WSCD1: variants seen among roughly 807,000 people sequenced by gnomAD.
The protein encoded by WSCD1 is WSC domain sialate O sulfotransferase 1.
A neutral mutation model predicts 60.4 loss-of-function variants in WSCD1; 41 were observed. The ratio of observed to expected loss-of-function variants is 0.68; its 90% CI spans 0.53 to 0.88. The LOEUF (loss-of-function observed/expected upper bound fraction) is 0.88. Among genes scored for constraint, WSCD1 ranks in the 40% least tolerant of loss-of-function variants. The probability of loss-of-function intolerance (pLI) is 0.00; values close to 1 mark genes in which losing one functional copy is unlikely to be tolerated. For synonymous variants in WSCD1, 361 were observed against 332.5 expected (o/e 1.09, Z -0.93); for missense variants, 784 against 796.2 (o/e 0.98, Z 0.18).
chr17:6,096,010 C>G (rs1374287440), intron 5 of WSCD1, among the ~76,000 whole-genome samples: 1 of 152,140 alleles, frequency 6.6e-6, no homozygotes, highest in Non-Finnish European at 1.5e-5. Context: ...TAGAACAGGG[C>G]TAAGGTGAGA....
chr17:6,103,345 TC>T (rs1910908929), intron 5 of WSCD1, among the ~76,000 whole-genome samples: 1 of 152,212 alleles, frequency 6.6e-6, no homozygotes, highest in Non-Finnish European at 1.5e-5. Flanking sequence ...TTGAGAAACT[TC>T]CTGGGATGAA....
rs1314748127 is a variant in WSCD1, at chr17:6,087,370, TCACTTGGCC to T, written c.428-618_428-610del. On this transcript the variant is annotated intron_variant, in intron 2 of 8. Transcript: ENST00000317744. The stretch of plus-strand genomic sequence containing the variant: ...GACCAGCCTGGAGAGGCCTCTGCGG[TCACTTGGCC>T]CTGTTGTTTCCCACACAGGACACTT... Among the ~76,000 whole-genome samples the T allele has an allele frequency of 4.6e-5, 7 of 152,258 alleles. 1 individual carries two copies. Among genetic ancestry groups the T allele is most frequent in the African/African-American group, 1.7e-4 (7 of 41,552 alleles).
At chr17:6,086,249 T>TTATATATATATATATATATA (rs1481687453) in intron 2 of WSCD1, among the ~76,000 whole-genome samples, 33 of 71,220 alleles carry the variant, frequency 4.6e-4, no homozygotes, top group African/African-American at 1.5e-3. Flanking sequence ...CGTCCTGACT[T>TTATATATATATATATATATA]CATATATATA....
chr17:6,118,008 C>A lies in WSCD1; in HGVS notation c.1195C>A (p.His399Asn). 6.2e-7 allele frequency: 1 copy of A among 1,613,912 alleles called. No individual in the cohort carries two copies. The highest frequency in any genetic ancestry group is 8.5e-7 in the Non-Finnish European group (1 of 1,180,038). The change falls in exon 8 of 9, where the codon CAC becomes AAC. Residue 399 changes from histidine (H) to asparagine (N), a missense_variant. Coordinates refer to ENST00000317744, the MANE Select transcript of WSCD1 (RefSeq NM_015253.2). This position sits in a 1 kb window ranked among gnomAD's most constrained non-coding sequence, Gnocchi z 5.8. ...TGCAGGGTTCAAGGGCGAAAAGGAC[C>A]ACTGGCGGAGCCGACGCACCATCTG... Reference protein sequence around the residue: ...YNKGFKGEKDHWRSRRTICVK... With the variant: ...YNKGFKGEKDNWRSRRTICVK...
intron 7 of WSCD1, among the ~76,000 whole-genome samples, chr17:6,111,412 G>A (rs1597369295): frequency 6.6e-6 from 1 of 152,150 alleles, no homozygotes; most frequent in Non-Finnish European, 1.5e-5. Flanking sequence ...ACATGAAAAA[G>A]CAAGGAGGCC....
At chr17:6,099,987 T>C (rs1177146762) in intron 5 of WSCD1, among the ~76,000 whole-genome samples, 1 of 152,070 alleles carries the variant, frequency 6.6e-6, no homozygotes, top group Non-Finnish European at 1.5e-5. Flanking sequence ...CAGAGCCATA[T>C]AGCTTGAATG....
rs1005309192 is a variant in WSCD1, at chr17:6,075,897, T to G, written c.-288-4474T>G. Among the ~76,000 whole-genome samples the G allele has an allele frequency of 2.6e-5, 4 of 151,802 alleles. No individual in the cohort carries two copies. The highest frequency in any genetic ancestry group is 4.9e-5 in the African/African-American group (2 of 41,144). ...CAGAGGGGAGGGGCCCCAGGCTGCC[T>G]CCCAGTCCCAGTGGGCTGGGGCGGG... On this transcript the variant is annotated intron_variant, in intron 1 of 8. Transcript: ENST00000317744. This position sits in a 1 kb window ranked among gnomAD's most constrained non-coding sequence, Gnocchi z 4.1.
At chr17:6,104,056 G>C (rs1166809578) in intron 5 of WSCD1, among the ~76,000 whole-genome samples, 2 of 152,178 alleles carry the variant, frequency 1.3e-5, no homozygotes, top group African/African-American at 4.8e-5. Flanking sequence ...CCTAGCATCT[G>C]CTTCCGGTGA....
At chr17:6,072,544 TCTC>T (rs2150524010) in intron 1 of WSCD1, among the ~76,000 whole-genome samples, 1 of 152,342 alleles carries the variant, frequency 6.6e-6, no homozygotes, top group East Asian at 1.9e-4. Flanking sequence ...CCTGACTCTT[TCTC>T]TGGAGGTACA....
At chr17:6,072,193 A>G (rs924691150) in intron 1 of WSCD1, among the ~76,000 whole-genome samples, 1 of 152,232 alleles carries the variant, frequency 6.6e-6, no homozygotes, top group African/African-American at 2.4e-5. Context: ...TTGGAAGTGA[A>G]GAGAAGCTGG....
chr17:6,072,941 A>G (rs1908631294), intron 1 of WSCD1, among the ~76,000 whole-genome samples: 1 of 152,190 alleles, frequency 6.6e-6, no homozygotes, highest in Non-Finnish European at 1.5e-5. Flanking sequence ...TTCATCAGCT[A>G]TGAAATACAG....
Position 6,120,646 on chromosome 17 carries a change from G to T in WSCD1, c.1713G>T (p.Glu571Asp). Reference protein sequence around the residue: ...RDHNWTGLPREYVPR With the variant: ...RDHNWTGLPRDYVPR ...ACAACTGGACGGGGCTGCCCAGGGA[G>T]TATGTGCCCAGATGATAGGCCTGGC... is the stretch of plus-strand genomic sequence containing the variant. The change falls in exon 9 of 9, where the codon GAG (glutamate) becomes GAT (aspartate). Residue 571 changes from glutamate to aspartate, a missense_variant. By Grantham distance (45) the Glu-to-Asp change is conservative (BLOSUM62 2). Coordinates refer to ENST00000317744, the MANE Select transcript of WSCD1 (RefSeq NM_015253.2). 1 of 1,611,546 alleles carries T rather than the reference G, an allele frequency of 6.2e-7. No individual in the cohort carries two copies. The highest frequency in any genetic ancestry group is 1.7e-5 in the Admixed American group (1 of 59,968).
chr17:6,107,165 CCTCCT>C (rs1342732589), intron 5 of WSCD1, among the ~76,000 whole-genome samples: 2 of 152,154 alleles, frequency 1.3e-5, no homozygotes, highest in Non-Finnish European at 2.9e-5. Context: ...TGTATCCTAA[CCTCCT>C]CTTCTTGTAA....
chr17:6,111,074 C>T (rs1911382155), intron 7 of WSCD1, 139 bp downstream of exon 7: 1 of 791,932 alleles, frequency 1.3e-6, no homozygotes, highest in Admixed American at 5.3e-5. Context: ...GGTGGAGCCA[C>T]TGTGTGCCAT....
chr17:6,105,113 C>A (rs1190718966), intron 5 of WSCD1, among the ~76,000 whole-genome samples: 1 of 152,204 alleles, frequency 6.6e-6, no homozygotes, highest in African/African-American at 2.4e-5. Flanking sequence ...GCATGTGGAT[C>A]CCCGCCAGCC....
At chr17:6,070,065 T>A (rs1158371583), upstream of WSCD1, among the ~76,000 whole-genome samples, 2 of 150,950 alleles carry the variant, frequency 1.3e-5, no homozygotes, top group African/African-American at 4.9e-5. Flanking sequence ...GCCCCGTGTG[T>A]TTGTGGGTCT....
chr17:6,107,652 C>T lies in WSCD1; in HGVS notation c.850-1955C>T, dbSNP rs375267025. Among the ~76,000 whole-genome samples, 52 of 152,296 alleles carry T rather than the reference C, an allele frequency of 3.4e-4. No individual in the cohort carries two copies. The East Asian group carries it at 3.9e-3, about 11-fold the overall frequency. On this transcript the variant is annotated intron_variant, in intron 5 of 8. Coordinates refer to ENST00000317744, the MANE Select transcript of WSCD1 (RefSeq NM_015253.2). ...GGTACCTGAGACACAGATGGGCCGC[C>T]GTGTGCCGTGGACATCCGGGCTGCT...
intron 4 of WSCD1, among the ~76,000 whole-genome samples, chr17:6,090,823 C>A (rs1367888083): frequency 6.6e-6 from 1 of 152,184 alleles, no homozygotes; most frequent in Non-Finnish European, 1.5e-5. Context: ...CCTCTCTGAG[C>A]TACGGTCTAT....
At chr17:6,095,689 G>A (rs1052323182) in intron 5 of WSCD1, among the ~76,000 whole-genome samples, 1 of 152,210 alleles carries the variant, frequency 6.6e-6, no homozygotes, top group Non-Finnish European at 1.5e-5. Context: ...CCCATGGAGG[G>A]GCAGGGCTAG....
Sources: gnomAD v4.1 joint callset for allele counts (sites outside exome capture counted in the v4.1 genomes callset) on GRCh38, gnomAD v4.1.1 for gene constraint, Gnocchi (gnomAD v3.1) non-coding constraint, MANE v1.5 for transcripts, NCBI Gene and HGNC (gene_info 2026-07-23, HGNC 2026-07-21) for gene names.